RFTN1: variants seen among roughly 807,000 people sequenced by gnomAD.
RFTN1 encodes the protein raftlin, lipid raft linker 1.
A neutral mutation model predicts 46.5 loss-of-function variants in RFTN1; 26 were observed. The observed-to-expected ratio is 0.56, with a 90% CI of 0.41 to 0.78. RFTN1 has a LOEUF of 0.78. RFTN1 is among the 30% of genes least tolerant of loss of function. The pLI is 0.00. For synonymous variants in RFTN1, 261 were observed against 284.2 expected (o/e 0.92, Z 0.82); for missense variants, 693 against 718.7 (o/e 0.96, Z 0.41).
rs2074564877 is a variant in RFTN1 at position 16,400,086 on chromosome 3, G to C, written c.441+9289C>G. Among the ~76,000 whole-genome samples, 1 of 152,150 alleles carries C rather than the reference G, an allele frequency of 6.6e-6. No individual in the cohort carries two copies. The highest frequency in any genetic ancestry group is 2.1e-4 in the South Asian group (1 of 4,824). ...TAGGAATCATTCTCCAGCTGCTCCTGAAAGCCCTCCAGCAGCTTTGCACTA... is the reference window on the plus strand; with the variant it reads ...TAGGAATCATTCTCCAGCTGCTCCTCAAAGCCCTCCAGCAGCTTTGCACTA... On this transcript the variant is annotated intron_variant, in intron 4 of 9. Coordinates refer to ENST00000334133, the MANE Select transcript of RFTN1 (RefSeq NM_015150.2). This position sits in a 1 kb window ranked among gnomAD's most constrained non-coding sequence, Gnocchi z 4.5.
chr3:16,482,827 G>GA, intron 2 of RFTN1: 2 of 1,536,060 alleles, frequency 1.3e-6, no homozygotes, highest in African/African-American at 2.7e-5. Context: ...CGCAGGGGCA[G>GA]AACAGCCTTT....
At chr3:16,462,352 G>A (rs2076020467) in intron 2 of RFTN1, among the ~76,000 whole-genome samples, 1 of 152,236 alleles carries the variant, frequency 6.6e-6, no homozygotes, top group Admixed American at 6.5e-5. Flanking sequence ...CAAAGGATGT[G>A]TCCATGTCCT....
Position 16,418,053 on chromosome 3 carries a change from G to A in RFTN1, c.333-8570C>T, listed in dbSNP as rs578239291. Among the ~76,000 whole-genome samples, 15 of 152,214 alleles carry A rather than the reference G, an allele frequency of 9.9e-5. No homozygotes were observed. The highest frequency in any genetic ancestry group is 1.2e-4 in the African/African-American group (5 of 41,530). Reference sequence around the variant, plus strand: ...CCCCTCACTCTGCTCTCACAGTGGTGGGACCTAACCCTTTCCTAAGACATT... The same window carrying A: ...CCCCTCACTCTGCTCTCACAGTGGTAGGACCTAACCCTTTCCTAAGACATT... On this transcript the variant is annotated intron_variant, in intron 3 of 9. Transcript: ENST00000334133. The surrounding 1 kb of genome is among the most constrained non-coding windows in gnomAD (Gnocchi z 5.0).
intron 2 of RFTN1, among the ~76,000 whole-genome samples, chr3:16,491,455 A>G (rs2076537329): frequency 6.6e-6 from 1 of 152,216 alleles, no homozygotes; most frequent in African/African-American, 2.4e-5. Context: ...CAGGGAGGCC[A>G]CGTGGGATAT....
Position 16,449,979 on chromosome 3 carries a change from G to A in RFTN1, c.146-15942C>T, listed in dbSNP as rs563546906. Among the ~76,000 whole-genome samples, 7 of 152,282 alleles carry A rather than the reference G, an allele frequency of 4.6e-5. No individual in the cohort carries two copies. Among genetic ancestry groups the A allele is most frequent in the Admixed American group, 2.0e-4 (3 of 15,294 alleles). On this transcript the variant is annotated intron_variant, in intron 2 of 9. Coordinates refer to ENST00000334133, the MANE Select transcript of RFTN1 (RefSeq NM_015150.2). The surrounding 1 kb of genome is among the most constrained non-coding windows in gnomAD (Gnocchi z 5.1). ...GGGCTGCAGGAGGCCCCAGGGAGGC[G>A]CAGCAGGGGAAAGAGGTGGAATTGC...
rs34705903 is a variant in RFTN1, at chr3:16,426,660, C to CGTGTGTGTGTGTGTGTGTGT, written c.332+7171_332+7190dup. On this transcript the variant is annotated intron_variant, in intron 3 of 9. Coordinates refer to ENST00000334133, the MANE Select transcript of RFTN1 (RefSeq NM_015150.2). This position sits in a 1 kb window ranked among gnomAD's most constrained non-coding sequence, Gnocchi z 5.9. ...ACTGTTATTTTGGCAATGAAAGGAT[C>CGTGTGTGTGTGTGTGTGTGT]GTGTGTGTGTGTGTGTGTGTGTGTG... Among the ~76,000 whole-genome samples the CGTGTGTGTGTGTGTGTGTGT allele has an allele frequency of 1.3e-4, 19 of 142,120 alleles. No homozygotes were observed. The highest frequency in any genetic ancestry group is 1.2e-3 in the South Asian group (5 of 4,202). 93.2% of individuals were successfully genotyped at this position (142,120 alleles called of 152,430 possible). A position where few individuals can be genotyped will look rare whatever the true frequency, so the allele number is the denominator to read the frequency against.
At chr3:16,388,767 C>T (rs531237396) in intron 4 of RFTN1, among the ~76,000 whole-genome samples, 13 of 152,282 alleles carry the variant, frequency 8.5e-5, no homozygotes, top group African/African-American at 2.2e-4. Flanking sequence ...TACCCATGGG[C>T]CTTGTTTCAC....
Position 16,509,455 on chromosome 3 carries a change from A to G in RFTN1, c.-9+3987T>C, listed in dbSNP as rs750070734. On this transcript the variant is annotated intron_variant, in intron 1 of 9. Transcript: ENST00000334133. This position sits in a 1 kb window ranked among gnomAD's most constrained non-coding sequence, Gnocchi z 4.9. Reference sequence around the variant, plus strand: ...TCCTCAGGGCTGAAGTGAAGATAATATAAGTACTCGCCTCTCATGAGGATT... The same window carrying G: ...TCCTCAGGGCTGAAGTGAAGATAATGTAAGTACTCGCCTCTCATGAGGATT... Among the ~76,000 whole-genome samples, 13 of 152,222 alleles carry G rather than the reference A, an allele frequency of 8.5e-5. No homozygotes were observed. Among genetic ancestry groups the G allele is most frequent in the Non-Finnish European group, 1.3e-4 (9 of 68,040 alleles).
intron 2 of RFTN1, among the ~76,000 whole-genome samples, chr3:16,434,407 C>A (rs9819164): frequency 0.2 from 23,574 of 117,970 alleles, 2,396 homozygotes; most frequent in African/African-American, 0.33. Context: ...AACAAAAAAA[C>A]CCCCTCAAAA....
At chr3:16,401,325 A>ATC (rs754383669) in intron 4 of RFTN1, among the ~76,000 whole-genome samples, 35,576 of 136,516 alleles carry the variant, frequency 0.26, 4,581 homozygotes, top group African/African-American at 0.35. Context: ...CCGTGTTAAA[A>ATC]AAAAAAAAAA....
chr3:16,335,776 T>TA lies in RFTN1; in HGVS notation c.1147-8901dup, dbSNP rs540104859. On this transcript the variant is annotated intron_variant, in intron 7 of 9. Transcript: ENST00000334133. This position sits in a 1 kb window ranked among gnomAD's most constrained non-coding sequence, Gnocchi z 4.7. ...ATCCTGCACTTGCACCCTGGAACTTTAAAAAAAAAAAAAAAAAAAGGAGTT... is the reference window on the plus strand; with the variant it reads ...ATCCTGCACTTGCACCCTGGAACTTTAAAAAAAAAAAAAAAAAAAAGGAGTT... Among the ~76,000 whole-genome samples the TA allele has an allele frequency of 0.031, 4,241 of 136,614 alleles. 78 individuals are homozygous for TA. The highest frequency in any genetic ancestry group is 0.041 in the South Asian group (172 of 4,146). The allele number at this position is 136,614 out of a possible 152,430, so 89.6% of individuals were successfully genotyped here.
rs1224236898 is a variant in RFTN1 at position 16,383,464 on chromosome 3, T to A, written c.442-5362A>T. Reference sequence around the variant, plus strand: ...TAATCAGGAATCATGATGTGAAAAATATTTCTTTTTAAAAAAATGTAGTTA... The same window carrying A: ...TAATCAGGAATCATGATGTGAAAAAAATTTCTTTTTAAAAAAATGTAGTTA... On this transcript the variant is annotated intron_variant, in intron 4 of 9. Transcript: ENST00000334133. The surrounding 1 kb of genome is among the most constrained non-coding windows in gnomAD (Gnocchi z 4.0). 6.6e-6 allele frequency among the ~76,000 whole-genome samples: 1 copy of A among 152,194 alleles called. No homozygotes were observed. Among genetic ancestry groups the A allele is most frequent in the Non-Finnish European group, 1.5e-5 (1 of 68,034 alleles).
chr3:16,391,902 T>TTTA (rs2074360516), intron 4 of RFTN1, among the ~76,000 whole-genome samples: 1 of 110,824 alleles, frequency 9.0e-6, no homozygotes, highest in African/African-American at 3.2e-5. Context: ...TTGTTTTTTT[T>TTTA]ACGGGGAAGA....
Position 16,342,092 on chromosome 3 carries a change from G to A in RFTN1, c.1147-15216C>T, listed in dbSNP as rs958590663. ...TCACCTATTTAAAGCAAACAATTCAGTGGTTTATAATATATTCAGAGTTAT... is the reference window on the plus strand; with the variant it reads ...TCACCTATTTAAAGCAAACAATTCAATGGTTTATAATATATTCAGAGTTAT... On this transcript the variant is annotated intron_variant, in intron 7 of 9. Transcript: ENST00000334133. The surrounding 1 kb of genome is among the most constrained non-coding windows in gnomAD (Gnocchi z 4.0). Among the ~76,000 whole-genome samples the A allele has an allele frequency of 6.6e-5, 10 of 152,088 alleles. No individual in the cohort carries two copies. The highest frequency in any genetic ancestry group is 2.4e-4 in the African/African-American group (10 of 41,390).
In RFTN1 at chr3:16,513,125, G is replaced by T; in HGVS notation, c.-9+317C>A. The T allele has an allele frequency of 6.5e-6, 1 of 152,966 alleles. No individual in the cohort carries two copies. The highest frequency in any genetic ancestry group is 1.5e-5 in the Non-Finnish European group (1 of 68,574). The allele number at this position is 152,966 out of a possible 1,614,324, so 9.5% of individuals were successfully genotyped here. On this transcript the variant is annotated intron_variant, in intron 1 of 9. Transcript: ENST00000334133. The surrounding 1 kb of genome is among the most constrained non-coding windows in gnomAD (Gnocchi z 5.4). ...GTCCTTCCTAGGCGCTTCTGAGCCT[G>T]CAGAGCCTACGACCCCCAACAGGCT...
At chr3:16,392,953 T>C (rs1248230219) in intron 4 of RFTN1, among the ~76,000 whole-genome samples, 1 of 152,204 alleles carries the variant, frequency 6.6e-6, no homozygotes, top group Non-Finnish European at 1.5e-5. Context: ...TCTGTTCCCA[T>C]ACAATTCTGA....
rs886311958 is a variant in RFTN1 at position 16,449,622 on chromosome 3, A to G, written c.146-15585T>C. On this transcript the variant is annotated intron_variant, in intron 2 of 9. Coordinates refer to ENST00000334133, the MANE Select transcript of RFTN1 (RefSeq NM_015150.2). The surrounding 1 kb of genome is among the most constrained non-coding windows in gnomAD (Gnocchi z 5.1). ...ACTAACGTGACAGACTGTCATGTCC[A>G]CGAGTTGATCCTTAAGTCTCGGAAC... is the stretch of plus-strand genomic sequence containing the variant. 6.6e-6 allele frequency among the ~76,000 whole-genome samples: 1 copy of G among 152,182 alleles called. No individual in the cohort carries two copies. Among genetic ancestry groups the G allele is most frequent in the Non-Finnish European group, 1.5e-5 (1 of 68,030 alleles).
Position 16,449,931 on chromosome 3 carries a change from G to A in RFTN1, c.146-15894C>T, listed in dbSNP as rs1000840712. On this transcript the variant is annotated intron_variant, in intron 2 of 9. Transcript: ENST00000334133. The surrounding 1 kb of genome is among the most constrained non-coding windows in gnomAD (Gnocchi z 5.1). ...CTAGAAAATGGCCCCATCTCTAGAA[G>A]TGACCAGGAAGCAGCAGGAGGAGGG... Among the ~76,000 whole-genome samples, 3 of 152,160 alleles carry A rather than the reference G, an allele frequency of 2.0e-5. No homozygotes were observed. Among genetic ancestry groups the A allele is most frequent in the Non-Finnish European group, 4.4e-5 (3 of 68,030 alleles).
chr3:16,387,584 CTCT>C lies in RFTN1; in HGVS notation c.442-9485_442-9483del, dbSNP rs2125396354. ...ATATCCTCAATTTCTCTCTCTCTCT[CTCT>C]CTCTCTCTCTCTCTCTCTCTCTCTA... On this transcript the variant is annotated intron_variant, in intron 4 of 9. Coordinates refer to ENST00000334133, the MANE Select transcript of RFTN1 (RefSeq NM_015150.2). This position sits in a 1 kb window ranked among gnomAD's most constrained non-coding sequence, Gnocchi z 5.2. Among the ~76,000 whole-genome samples, 1 of 144,682 alleles carries C rather than the reference CTCT, an allele frequency of 6.9e-6. No homozygotes were observed. The highest frequency in any genetic ancestry group is 2.2e-4 in the South Asian group (1 of 4,560). The allele number at this position is 144,682 out of a possible 152,430, so 94.9% of individuals were successfully genotyped here.
Sources: gnomAD v4.1 joint callset for allele counts (sites outside exome capture counted in the v4.1 genomes callset) on GRCh38, gnomAD v4.1.1 for gene constraint, Gnocchi (gnomAD v3.1) non-coding constraint, MANE v1.5 for transcripts, NCBI Gene and HGNC (gene_info 2026-07-23, HGNC 2026-07-21) for gene names.